NRG3: variants seen among roughly 807,000 people sequenced by gnomAD.
NRG3 encodes neuregulin 3.
A neutral mutation model predicts 66.9 loss-of-function variants in NRG3; 31 were observed. The ratio of observed to expected loss-of-function variants is 0.46; its 90% CI spans 0.35 to 0.63. The LOEUF (loss-of-function observed/expected upper bound fraction) is 0.63, where lower values mean the gene tolerates loss of function less well. NRG3 is among the 20% of genes least tolerant of loss of function. The probability of loss-of-function intolerance (pLI) is 0.00; values close to 1 mark genes in which losing one functional copy is unlikely to be tolerated. For missense variants in NRG3, 910 were observed against 878.9 expected (o/e 1.04, Z -0.45); for synonymous variants, 393 against 359.4 (o/e 1.09, Z -1.06).
intron 1 of NRG3, among the ~76,000 whole-genome samples, chr10:82,208,365 C>A (rs1409855214): frequency 1.3e-5 from 2 of 152,102 alleles, no homozygotes; most frequent in Non-Finnish European, 2.9e-5. Context: ...TGGAAAACTA[C>A]TGGAATGACC....
chr10:82,339,180 T>C (rs1415097764), intron 1 of NRG3, among the ~76,000 whole-genome samples: 6 of 152,244 alleles, frequency 3.9e-5, no homozygotes, highest in African/African-American at 1.4e-4. Context: ...GAATACATTC[T>C]AGTTGCCTGT....
At chr10:82,234,043 T>G (rs1401745890) in intron 1 of NRG3, among the ~76,000 whole-genome samples, 1 of 152,168 alleles carries the variant, frequency 6.6e-6, no homozygotes, top group Non-Finnish European at 1.5e-5. Flanking sequence ...TTGATTAATA[T>G]TGGTAAAACA....
chr10:82,504,601 A>G (rs964537655), intron 2 of NRG3, among the ~76,000 whole-genome samples: 2 of 152,198 alleles, frequency 1.3e-5, no homozygotes. Context: ...ATTTCCCCAC[A>G]GGTGTTTGTC....
intron 2 of NRG3, among the ~76,000 whole-genome samples, chr10:82,554,582 C>T (rs776599464): frequency 2.4e-4 from 36 of 152,074 alleles, no homozygotes; most frequent in Admixed American, 9.2e-4. Flanking sequence ...CTGAAGGCTG[C>T]GACATTTTTT....
At chr10:82,782,006 T>C (rs1184222420) in intron 3 of NRG3, among the ~76,000 whole-genome samples, 3 of 152,194 alleles carry the variant, frequency 2.0e-5, no homozygotes, top group Non-Finnish European at 4.4e-5. Context: ...CAAGAAACCA[T>C]TGAGAAGCAC....
chr10:82,985,363 A>C lies in NRG3; in HGVS notation c.1849A>C (p.Ser617Arg). ...ADVVNVSIPV[S>R]DCLIAEQQEV... ...CGTTGTCAATGTGAGTATTCCAGTC[A>C]GCGATTGTCTTATAGCAGAACAACA... The change falls in exon 9 of 9, where the codon AGC becomes CGC. Residue 617 changes from serine to arginine, a missense_variant. Coordinates refer to ENST00000372141, the MANE Select transcript of NRG3 (RefSeq NM_001010848.4). 1 of 1,614,202 alleles carries C rather than the reference A, an allele frequency of 6.2e-7. No individual in the cohort carries two copies. Among genetic ancestry groups the C allele is most frequent in the Non-Finnish European group, 8.5e-7 (1 of 1,180,026 alleles).
At chr10:82,706,720 G>A (rs912434966) in intron 2 of NRG3, among the ~76,000 whole-genome samples, 47 of 152,132 alleles carry the variant, frequency 3.1e-4, no homozygotes, top group Admixed American at 6.5e-5. Flanking sequence ...GAGGTTGGGC[G>A]TGGTGGCTCA....
At chr10:82,521,785 C>T (rs1178282657) in intron 2 of NRG3, among the ~76,000 whole-genome samples, 1 of 152,152 alleles carries the variant, frequency 6.6e-6, no homozygotes, top group Non-Finnish European at 1.5e-5. Flanking sequence ...GGTCAATCCT[C>T]TCAAACCCAG....
At chr10:82,103,367 G>T (rs528242524) in intron 1 of NRG3, among the ~76,000 whole-genome samples, 1 of 152,098 alleles carries the variant, frequency 6.6e-6, no homozygotes, top group Non-Finnish European at 1.5e-5. Flanking sequence ...TGACATTATG[G>T]ATCTTTCAAA....
chr10:82,121,221 T>C (rs757063514), intron 1 of NRG3, among the ~76,000 whole-genome samples: 7 of 152,132 alleles, frequency 4.6e-5, no homozygotes, highest in Non-Finnish European at 1.0e-4. Context: ...ACCCTCTTGC[T>C]CCTGGTGACA....
At chr10:82,825,789 A>T (rs1441376441) in intron 3 of NRG3, among the ~76,000 whole-genome samples, 1 of 152,238 alleles carries the variant, frequency 6.6e-6, no homozygotes, top group African/African-American at 2.4e-5. Flanking sequence ...GTAACATACG[A>T]TTAAATATTA....
chr10:82,143,734 A>C (rs1282998981), intron 1 of NRG3, among the ~76,000 whole-genome samples: 1 of 152,224 alleles, frequency 6.6e-6, no homozygotes, highest in Non-Finnish European at 1.5e-5. Context: ...ATGAGTGAGC[A>C]TGTGTGGATA....
At chr10:82,532,461 A>G (rs1847354343) in intron 2 of NRG3, among the ~76,000 whole-genome samples, 2 of 148,816 alleles carry the variant, frequency 1.3e-5, no homozygotes, top group Admixed American at 6.8e-5. Flanking sequence ...TTACTATACA[A>G]TGGATTACTA....
chr10:82,386,733 G>A (rs1262323574), intron 2 of NRG3, among the ~76,000 whole-genome samples: 2 of 152,004 alleles, frequency 1.3e-5, no homozygotes, highest in African/African-American at 2.4e-5. Context: ...ACTTCTTGGA[G>A]GCTGTTATTC....
chr10:82,302,832 G>C (rs1466980577), intron 1 of NRG3, among the ~76,000 whole-genome samples: 1 of 152,168 alleles, frequency 6.6e-6, no homozygotes, highest in African/African-American at 2.4e-5. Flanking sequence ...TATTGGACTT[G>C]TAAATAGTCT....
chr10:82,938,248 C>A (rs1848263832), intron 4 of NRG3, among the ~76,000 whole-genome samples: 1 of 152,168 alleles, frequency 6.6e-6, no homozygotes, highest in African/African-American at 2.4e-5. Context: ...AGGTTTTCAA[C>A]TTCAGCGCTT....
chr10:82,579,546 C>T (rs948002597), intron 2 of NRG3, among the ~76,000 whole-genome samples: 4 of 151,818 alleles, frequency 2.6e-5, no homozygotes, highest in South Asian at 4.1e-4. Flanking sequence ...TGTGCGTTTG[C>T]GTGTGGTTGG....
At chr10:82,446,239 CTG>C (rs1283971100) in intron 2 of NRG3, among the ~76,000 whole-genome samples, 4 of 152,186 alleles carry the variant, frequency 2.6e-5, no homozygotes, top group African/African-American at 7.2e-5. Flanking sequence ...ATGGAAGAAA[CTG>C]TGGACTTTAA....
intron 6 of NRG3, among the ~76,000 whole-genome samples, chr10:82,970,637 A>G (rs1382065804): frequency 6.6e-6 from 1 of 152,202 alleles, no homozygotes; most frequent in East Asian, 1.9e-4. Flanking sequence ...TAACATAAGA[A>G]TAGCCTATGT....
Sources: allele counts gnomAD v4.1 joint callset (sites outside exome capture counted in the v4.1 genomes callset), GRCh38; gene constraint gnomAD v4.1.1; transcripts MANE v1.5; gene names NCBI Gene and HGNC (gene_info 2026-07-23, HGNC 2026-07-21).